PDZRN4: variants seen among roughly 807,000 people sequenced by gnomAD.
PDZRN4 encodes the protein PDZ domain-containing RING finger protein 4.
In PDZRN4, 70 loss-of-function variants were observed where a neutral mutation model predicts 99.0. The ratio of observed to expected loss-of-function variants is 0.71; its 90% CI spans 0.58 to 0.86. The LOEUF is 0.86. Among genes scored for constraint, PDZRN4 ranks in the 40% least tolerant of loss-of-function variants. PDZRN4 has a pLI of 0.00. For missense variants in PDZRN4, 1,474 were observed against 1,331.2 expected, an observed-to-expected ratio of 1.11 and a Z score of -1.67; for synonymous variants, 551 against 501.6, an observed-to-expected ratio of 1.10 and a Z score of -1.32.
chr12:41,430,937 A>G (rs1035758399), intron 3 of PDZRN4, among the ~76,000 whole-genome samples: 1 of 152,130 alleles, frequency 6.6e-6, no homozygotes, highest in African/African-American at 2.4e-5. Flanking sequence ...GGCATCTCAC[A>G]TGGTGAGAGC....
chr12:41,207,140 C>T (rs551699654), intron 3 of PDZRN4, among the ~76,000 whole-genome samples: 19 of 151,872 alleles, frequency 1.3e-4, no homozygotes, highest in Non-Finnish European at 2.5e-4. Context: ...CTTACACAAA[C>T]TTTCACTTAG....
chr12:41,459,530 T>A (rs1817270), intron 3 of PDZRN4, among the ~76,000 whole-genome samples: 14,791 of 152,256 alleles, frequency 0.097, 1,878 homozygotes, highest in African/African-American at 0.28. Context: ...AATTAGCCAT[T>A]ACCAGACTTA....
At chr12:41,232,345 G>C (rs1951034030) in intron 3 of PDZRN4, among the ~76,000 whole-genome samples, 1 of 151,992 alleles carries the variant, frequency 6.6e-6, no homozygotes, top group Non-Finnish European at 1.5e-5. Context: ...GCTTTCCCTG[G>C]TTCATGATAC....
At chr12:41,354,466 A>G (rs1951912811) in intron 3 of PDZRN4, among the ~76,000 whole-genome samples, 2 of 151,918 alleles carry the variant, frequency 1.3e-5, no homozygotes, top group Non-Finnish European at 2.9e-5. Flanking sequence ...ATTTTTACCT[A>G]TGAGTCTCTT....
chr12:41,257,601 A>G (rs1951211967), intron 3 of PDZRN4, among the ~76,000 whole-genome samples: 1 of 152,188 alleles, frequency 6.6e-6, no homozygotes, highest in African/African-American at 2.4e-5. Context: ...CGGCCAGTGG[A>G]AGTGCAGAAA....
Position 41,321,296 on chromosome 12 carries a change from A to T in PDZRN4, c.843+127108A>T, listed in dbSNP as rs1222851367. Among the ~76,000 whole-genome samples the T allele has an allele frequency of 3.9e-5, 6 of 152,306 alleles. No homozygotes were observed. In the South Asian group the frequency reaches 6.2e-4, roughly 16 times the overall value. On this transcript the variant is annotated intron_variant, in intron 3 of 9. Transcript: ENST00000402685. Reference sequence around the variant, plus strand: ...GACCACACTGCCTCAATGGCACAGAAATGCCTTCACTGAGTTAAGATTTAG... The same window carrying T: ...GACCACACTGCCTCAATGGCACAGATATGCCTTCACTGAGTTAAGATTTAG...
chr12:41,469,499 A>G (rs1952964493), intron 3 of PDZRN4, among the ~76,000 whole-genome samples: 1 of 152,214 alleles, frequency 6.6e-6, no homozygotes, highest in South Asian at 2.1e-4. Context: ...TACTACGTAG[A>G]TTCTGTCAAA....
At chr12:41,373,590 A>T (rs973726888) in intron 3 of PDZRN4, among the ~76,000 whole-genome samples, 1 of 152,190 alleles carries the variant, frequency 6.6e-6, no homozygotes, top group African/African-American at 2.4e-5. Flanking sequence ...TATTCCCTGA[A>T]CATTGCTGTT....
intron 3 of PDZRN4, among the ~76,000 whole-genome samples, chr12:41,313,938 C>A (rs1951623070): frequency 6.6e-6 from 1 of 152,084 alleles, no homozygotes; most frequent in Admixed American, 6.5e-5. Context: ...TGTGTATAAA[C>A]TGAGAGTAAT....
At chr12:41,462,279 C>G (rs761318501) in intron 3 of PDZRN4, among the ~76,000 whole-genome samples, 1 of 152,168 alleles carries the variant, frequency 6.6e-6, no homozygotes, top group Non-Finnish European at 1.5e-5. Context: ...ATTGTTAAGA[C>G]AGGAATACCT....
intron 3 of PDZRN4, among the ~76,000 whole-genome samples, chr12:41,460,586 G>A (rs1054004020): frequency 2.0e-5 from 3 of 152,172 alleles, no homozygotes; most frequent in Non-Finnish European, 2.9e-5. Flanking sequence ...TTCCAATTGT[G>A]TCAATATATT....
At chr12:41,371,664 G>A (rs891464860) in intron 3 of PDZRN4, among the ~76,000 whole-genome samples, 7 of 152,062 alleles carry the variant, frequency 4.6e-5, no homozygotes, top group Non-Finnish European at 7.4e-5. Flanking sequence ...CTTTATTTTT[G>A]CCAAATGTTT....
chr12:41,479,142 A>G (rs1373273335), intron 3 of PDZRN4, among the ~76,000 whole-genome samples: 1 of 152,244 alleles, frequency 6.6e-6, no homozygotes, highest in Non-Finnish European at 1.5e-5. Flanking sequence ...TTTACCAATG[A>G]CATATTAATG....
chr12:41,554,648 C>T (rs771616746), intron 6 of PDZRN4, among the ~76,000 whole-genome samples: 7 of 151,874 alleles, frequency 4.6e-5, no homozygotes, highest in South Asian at 2.1e-4. Flanking sequence ...TGAAATTACC[C>T]GCAGTGAACT....
rs139602613 is a variant in PDZRN4, at chr12:41,192,914, G to A, written c.736-1167G>A. Among the ~76,000 whole-genome samples the A allele has an allele frequency of 5.2e-4, 79 of 152,222 alleles. 1 individual carries two copies. In the South Asian group the frequency reaches 6.0e-3, roughly 12 times the overall value. On this transcript the variant is annotated intron_variant, in intron 2 of 9. Coordinates refer to ENST00000402685, the MANE Select transcript of PDZRN4 (RefSeq NM_001164595.2). ...TTCCTGTGTCAACTTAATTTTCACC[G>A]TAACTGGAAAAAGGTGGTTAAGTTT...
chr12:41,487,768 C>T (rs1937803009), intron 3 of PDZRN4, among the ~76,000 whole-genome samples: 1 of 152,208 alleles, frequency 6.6e-6, no homozygotes, highest in Non-Finnish European at 1.5e-5. Flanking sequence ...CACACTTGAT[C>T]ACCTCTTTCC....
chr12:41,264,392 A>G (rs1262566016), intron 3 of PDZRN4, among the ~76,000 whole-genome samples: 1 of 152,248 alleles, frequency 6.6e-6, no homozygotes, highest in African/African-American at 2.4e-5. Flanking sequence ...ATTTGTTATC[A>G]CCTTTGAAAT....
chr12:41,378,053 C>G (rs1461490542), intron 3 of PDZRN4, among the ~76,000 whole-genome samples: 1 of 152,150 alleles, frequency 6.6e-6, no homozygotes, highest in Non-Finnish European at 1.5e-5. Context: ...ATGCTTGTCA[C>G]TTTCCTGATC....
At chr12:41,389,073 T>C (rs1952192084) in intron 3 of PDZRN4, among the ~76,000 whole-genome samples, 1 of 152,128 alleles carries the variant, frequency 6.6e-6, no homozygotes. Context: ...TATGGTTGGA[T>C]AGTTAAATGT....
Sources: allele counts gnomAD v4.1 joint callset (sites outside exome capture counted in the v4.1 genomes callset), GRCh38; gene constraint gnomAD v4.1.1; transcripts MANE v1.5; gene names NCBI Gene and HGNC (gene_info 2026-07-23, HGNC 2026-07-21).